The following CNNM1 variants were observed in gnomAD, a reference collection of about 807,000 sequenced individuals.
CNNM1 encodes metal transporter CNNM1.
A neutral mutation model predicts 78.8 loss-of-function variants in CNNM1; 44 were observed. The observed-to-expected ratio is 0.56, with a 90% CI of 0.44 to 0.72. CNNM1 has a LOEUF of 0.72. Among genes scored for constraint, CNNM1 ranks in the 30% least tolerant of loss-of-function variants. The probability of loss-of-function intolerance (pLI) is 0.00; values close to 1 mark genes in which losing one functional copy is unlikely to be tolerated. For synonymous variants in CNNM1, 584 were observed against 581.5 expected (o/e 1.00, Z -0.06); for missense variants, 1,101 against 1,292.2 (o/e 0.85, Z 2.27).
intron 1 of CNNM1, among the ~76,000 whole-genome samples, chr10:99,331,721 G>GC (rs749263949): frequency 1.3e-3 from 204 of 152,192 alleles, no homozygotes; most frequent in African/African-American, 4.6e-3. Context: ...CCCTGTCTTT[G>GC]CCCGGGGGGG....
intron 2 of CNNM1, 28 bp from the exon 3 acceptor site, chr10:99,360,807 C>T: frequency 6.4e-7 from 1 of 1,569,836 alleles, no homozygotes; most frequent in Non-Finnish European, 8.7e-7. Flanking sequence ...TCTGAGATAG[C>T]TGTAATCTGT....
intron 6 of CNNM1, among the ~76,000 whole-genome samples, chr10:99,369,888 G>T (rs1011776093): frequency 6.6e-6 from 1 of 152,266 alleles, no homozygotes; most frequent in African/African-American, 2.4e-5. Flanking sequence ...GGACCTTCAA[G>T]TTCCTTCACA....
chr10:99,359,585 G>A (rs1431200501), intron 2 of CNNM1, among the ~76,000 whole-genome samples: 1 of 152,164 alleles, frequency 6.6e-6, no homozygotes, highest in East Asian at 1.9e-4. Flanking sequence ...GTCAGAGCGG[G>A]CCATGGAAGA....
At chr10:99,348,096 G>A (rs1000970237) in intron 1 of CNNM1, among the ~76,000 whole-genome samples, 2 of 150,400 alleles carry the variant, frequency 1.3e-5, no homozygotes, top group Non-Finnish European at 2.9e-5. Context: ...AGGCTGGTGT[G>A]CATTGGTGCA....
In CNNM1 at chr10:99,374,711, G is replaced by T. The variant is rs2031910833; in HGVS notation, c.2177-2344G>T. Among the ~76,000 whole-genome samples the T allele has an allele frequency of 2.6e-5, 4 of 152,134 alleles. 1 individual carries two copies. In the South Asian group the frequency reaches 8.3e-4, roughly 32 times the overall value. The stretch of plus-strand genomic sequence containing the variant: ...TTTAAGAGTCATTGTATCGCCCTGT[G>T]GGACCCTGACGTGCTGACTCATTTA... On this transcript the variant is annotated intron_variant, in intron 6 of 10. Transcript: ENST00000356713.
intron 1 of CNNM1, among the ~76,000 whole-genome samples, chr10:99,331,402 T>G (rs192289852): frequency 1.8e-4 from 28 of 152,306 alleles, no homozygotes; most frequent in African/African-American, 6.7e-4. Flanking sequence ...CTAATTCCAT[T>G]GCTGGACAGC....
chr10:99,364,811 T>C, intron 5 of CNNM1, 144 bp from the exon 6 acceptor site: 1 of 764,866 alleles, frequency 1.3e-6, no homozygotes, highest in Non-Finnish European at 2.1e-6. Flanking sequence ...TTTTGCTTTT[T>C]ATACTTGTTC....
Position 99,391,442 on chromosome 10 carries a change from C to CA in CNNM1, c.2788dup (p.Arg930LysfsTer12). ...TTGCAACTTGTTTTTTTCAGGTGGC[C>CA]AAAAAAGGAAGAGGTCACCAGAAGG... On this transcript the variant is annotated frameshift_variant, in exon 11 of 11. Coordinates refer to ENST00000356713, the MANE Select transcript of CNNM1 (RefSeq NM_020348.3). LOFTEE classifies it high-confidence loss of function. 1 of 1,613,020 alleles carries CA rather than the reference C, an allele frequency of 6.2e-7. No homozygotes were observed. Among genetic ancestry groups the CA allele is most frequent in the Non-Finnish European group, 8.5e-7 (1 of 1,179,534 alleles).
intron 7 of CNNM1, among the ~76,000 whole-genome samples, chr10:99,383,427 C>T (rs1449447151): frequency 6.6e-6 from 1 of 152,122 alleles, no homozygotes; most frequent in Non-Finnish European, 1.5e-5. Flanking sequence ...GCATGCGCCA[C>T]CACGCCTGGC....
At chr10:99,340,776 C>T (rs2030411138) in intron 1 of CNNM1, among the ~76,000 whole-genome samples, 1 of 143,780 alleles carries the variant, frequency 7.0e-6, no homozygotes, top group Non-Finnish European at 1.5e-5. Context: ...TCTCTCTTTC[C>T]TTCTTTCTTT....
chr10:99,361,487 C>CA (rs2031433392), intron 3 of CNNM1, among the ~76,000 whole-genome samples: 1 of 152,218 alleles, frequency 6.6e-6, no homozygotes, highest in Admixed American at 6.5e-5. Context: ...AATTAATGTG[C>CA]TGACCTAGAA....
At chr10:99,349,370 G>A (rs1030044934) in intron 1 of CNNM1, among the ~76,000 whole-genome samples, 6 of 151,944 alleles carry the variant, frequency 3.9e-5, no homozygotes, top group African/African-American at 1.5e-4. Flanking sequence ...ATCACGAGTC[G>A]GAGTCTTTAA....
chr10:99,385,113 A>C (rs1351459930), intron 7 of CNNM1, among the ~76,000 whole-genome samples: 2 of 152,122 alleles, frequency 1.3e-5, no homozygotes, highest in Non-Finnish European at 2.9e-5. Flanking sequence ...ATCTGGGCAG[A>C]ACTTTTCCAA....
chr10:99,367,779 CCTTAAAAAGGACT>C (rs2031670271), intron 6 of CNNM1, among the ~76,000 whole-genome samples: 1 of 152,114 alleles, frequency 6.6e-6, no homozygotes, highest in Non-Finnish European at 1.5e-5. Flanking sequence ...TCATTTAGCT[CCTTAAAAAGGACT>C]CTGGGAATGA....
At chr10:99,381,749 A>G (rs2032169753) in intron 7 of CNNM1, among the ~76,000 whole-genome samples, 1 of 150,920 alleles carries the variant, frequency 6.6e-6, no homozygotes. Flanking sequence ...GTCTCAAAAA[A>G]AAAAACCAAA....
intron 6 of CNNM1, among the ~76,000 whole-genome samples, chr10:99,369,795 C>T (rs1388530662): frequency 1.3e-5 from 2 of 152,086 alleles, no homozygotes; most frequent in African/African-American, 4.8e-5. Flanking sequence ...ATCGGACAGT[C>T]AATGTGAAAT....
intron 1 of CNNM1, among the ~76,000 whole-genome samples, chr10:99,343,212 C>A (rs1220365197): frequency 6.6e-6 from 1 of 152,048 alleles, no homozygotes; most frequent in African/African-American, 2.4e-5. Flanking sequence ...ATCTGCTCAC[C>A]TCGGCCTCCC....
intron 7 of CNNM1, among the ~76,000 whole-genome samples, chr10:99,382,399 T>C (rs1027895819): frequency 2.0e-5 from 3 of 152,192 alleles, no homozygotes; most frequent in African/African-American, 7.2e-5. Context: ...CCAAGATTCC[T>C]CATCACCCTA....
rs552011306 is a variant in CNNM1, at chr10:99,392,079, G to C, written c.*563G>C. The C allele has an allele frequency of 6.5e-6, 1 of 153,292 alleles. No homozygotes were observed. The highest frequency in any genetic ancestry group is 6.5e-5 in the Admixed American group (1 of 15,484). The allele number at this position is 153,292 out of a possible 1,614,324, so 9.5% of individuals were successfully genotyped here. ...AGAAGTGGGACTCAGCCATGTTGGCGCGTGATTGACATTACAGCACAGAAA... is the reference window on the plus strand; with the variant it reads ...AGAAGTGGGACTCAGCCATGTTGGCCCGTGATTGACATTACAGCACAGAAA... On this transcript the variant is annotated 3_prime_UTR_variant, in exon 11 of 11. Coordinates refer to ENST00000356713, the MANE Select transcript of CNNM1 (RefSeq NM_020348.3).
Sources: gnomAD v4.1 joint callset for allele counts (sites outside exome capture counted in the v4.1 genomes callset) on GRCh38, gnomAD v4.1.1 for gene constraint, MANE v1.5 for transcripts, NCBI Gene and HGNC (gene_info 2026-07-23, HGNC 2026-07-21) for gene names.